The following TRIM2 variants were observed in gnomAD, a reference collection of about 807,000 sequenced individuals.
TRIM2 encodes tripartite motif-containing protein 2.
TRIM2 carries 20 observed loss-of-function variants against 75.2 expected under a neutral mutation model. That is an observed-to-expected ratio of 0.27 (90% CI 0.19 to 0.39). The LOEUF (loss-of-function observed/expected upper bound fraction) is 0.39, where lower values mean the gene tolerates loss of function less well. Ranked by LOEUF, TRIM2 falls within the 10% of genes least tolerant of loss-of-function variation. The pLI is 1.00. For missense variants in TRIM2, 660 were observed against 990.8 expected (o/e 0.67, Z 4.48); for synonymous variants, 373 against 388.3 (o/e 0.96, Z 0.46).
At chr4:153,225,733 G>A (rs1193985233) in intron 1 of TRIM2, among the ~76,000 whole-genome samples, 1 of 152,162 alleles carries the variant, frequency 6.6e-6, no homozygotes, top group Admixed American at 6.5e-5. Context: ...TAGACACTCA[G>A]CTTTTATGTA....
At chr4:153,304,052 G>A (rs1764480950) in intron 6 of TRIM2, among the ~76,000 whole-genome samples, 1 of 152,184 alleles carries the variant, frequency 6.6e-6, no homozygotes, top group South Asian at 2.1e-4. Context: ...GGATGGTGGG[G>A]GGAGAAGGCT....
Position 153,261,136 on chromosome 4 carries a change from G to T in TRIM2, c.31-9199G>T, listed in dbSNP as rs181936295. ...TCTGCATGAGAACAATAAAAAATGG[G>T]CTGGGCCAGGCACAATGACTCATGC... On this transcript the variant is annotated intron_variant, in intron 1 of 11. Coordinates refer to ENST00000338700, the MANE Select transcript of TRIM2 (RefSeq NM_015271.5). Among the ~76,000 whole-genome samples, 725 of 152,248 alleles carry T rather than the reference G, an allele frequency of 4.8e-3. 1 individual carries two copies. Among genetic ancestry groups the T allele is most frequent in the Middle Eastern group, 0.041 (12 of 294 alleles).
At chr4:153,158,068 T>G (rs1729401151) in intron 1 of TRIM2, among the ~76,000 whole-genome samples, 1 of 152,248 alleles carries the variant, frequency 6.6e-6, no homozygotes, top group Non-Finnish European at 1.5e-5. Context: ...TTTACCCGGT[T>G]GCCTCTCTAT....
chr4:153,273,129 G>A (rs1018641128), intron 2 of TRIM2, among the ~76,000 whole-genome samples: 1 of 152,026 alleles, frequency 6.6e-6, no homozygotes, highest in East Asian at 1.9e-4. Context: ...GAGTCACTGC[G>A]CCCGGTGGGG....
chr4:153,296,055 T>C lies in TRIM2; in HGVS notation c.1510+19T>C, dbSNP rs1762696820. On this transcript the variant is annotated intron_variant, in intron 6 of 11. Transcript: ENST00000338700. ...CGAGTGGGTAAGGAGAGGGCTTCTG[T>C]GCCCGACGCCTGAGCTGGCACTGGT... 1 of 1,513,302 alleles carries C rather than the reference T, an allele frequency of 6.6e-7. No individual in the cohort carries two copies. The highest frequency in any genetic ancestry group is 1.4e-5 in the African/African-American group (1 of 71,588). The allele number at this position is 1,513,302 out of a possible 1,614,324, so 93.7% of individuals were successfully genotyped here. A position where few individuals can be genotyped will look rare whatever the true frequency, so the allele number is the denominator to read the frequency against.
intron 1 of TRIM2, among the ~76,000 whole-genome samples, chr4:153,205,191 C>G (rs1379806369): frequency 1.3e-5 from 2 of 152,108 alleles, no homozygotes; most frequent in Non-Finnish European, 2.9e-5. Flanking sequence ...CTTGACTACC[C>G]AAGTGAGAAG....
intron 3 of TRIM2, among the ~76,000 whole-genome samples, chr4:153,290,764 C>G (rs1761685484): frequency 6.6e-6 from 1 of 152,156 alleles, no homozygotes; most frequent in Non-Finnish European, 1.5e-5. Context: ...GTAGCTGGGA[C>G]TACAGGCATG....
intron 8 of TRIM2, among the ~76,000 whole-genome samples, chr4:153,316,520 C>G (rs1418918553): frequency 6.6e-6 from 1 of 152,064 alleles, no homozygotes; most frequent in Non-Finnish European, 1.5e-5. Flanking sequence ...ATGTCAGTCT[C>G]TAATGAGTCG....
At chr4:153,237,135 C>CTG (rs1336169604) in intron 1 of TRIM2, among the ~76,000 whole-genome samples, 2 of 152,162 alleles carry the variant, frequency 1.3e-5, no homozygotes, top group African/African-American at 2.4e-5. Flanking sequence ...GCTAATTTAA[C>CTG]TTTTGGGGGT....
chr4:153,266,734 C>T (rs1755239229), intron 1 of TRIM2, among the ~76,000 whole-genome samples: 1 of 150,926 alleles, frequency 6.6e-6, no homozygotes, highest in Non-Finnish European at 1.5e-5. Context: ...GATCTGTTCA[C>T]CCGAACTCCC....
chr4:153,202,609 G>T (rs1237334518), upstream of TRIM2, among the ~76,000 whole-genome samples: 1 of 150,486 alleles, frequency 6.6e-6, no homozygotes, highest in Admixed American at 6.7e-5. Context: ...TGAGGCAGGA[G>T]AATGGCCTGA....
intron 1 of TRIM2, among the ~76,000 whole-genome samples, chr4:153,197,300 G>A (rs1560802935): frequency 6.6e-6 from 1 of 152,142 alleles, no homozygotes; most frequent in Non-Finnish European, 1.5e-5. Context: ...ATGCACTGAG[G>A]AACAGGTAAG....
At chr4:153,214,378 CA>C (rs1407330148) in intron 1 of TRIM2, among the ~76,000 whole-genome samples, 1 of 152,176 alleles carries the variant, frequency 6.6e-6, no homozygotes, top group Non-Finnish European at 1.5e-5. Context: ...TTAAGAGGGT[CA>C]AACTCTTTTC....
chr4:153,240,971 G>A (rs1194009760), intron 1 of TRIM2, among the ~76,000 whole-genome samples: 1 of 152,182 alleles, frequency 6.6e-6, no homozygotes, highest in Non-Finnish European at 1.5e-5. Flanking sequence ...CAGCTACTCC[G>A]GAGGCTGAGG....
chr4:153,311,726 ATT>A (rs34229298), intron 6 of TRIM2, among the ~76,000 whole-genome samples: 5 of 138,410 alleles, frequency 3.6e-5, no homozygotes, highest in East Asian at 2.1e-4. Context: ...GTGTTTATCA[ATT>A]TTTTTTTTTT....
chr4:153,294,582 C>T (rs1762419906), intron 5 of TRIM2, 97 bp downstream of exon 5: 1 of 1,277,876 alleles, frequency 7.8e-7, no homozygotes, highest in Non-Finnish European at 1.1e-6. Flanking sequence ...CCTTAAGTGT[C>T]ATCATTGTAT....
intron 4 of TRIM2, among the ~76,000 whole-genome samples, 153 bp from the exon 5 acceptor site, chr4:153,294,152 A>G (rs1363850562): frequency 6.6e-6 from 1 of 152,184 alleles, no homozygotes; most frequent in Non-Finnish European, 1.5e-5. Flanking sequence ...CTAAGGCAGT[A>G]ATTATGTCAT....
At chr4:153,310,111 T>C (rs571225000) in intron 6 of TRIM2, 1 of 152,182 alleles carries the variant, frequency 6.6e-6, no homozygotes, top group Non-Finnish European at 1.5e-5. Flanking sequence ...TAGGCTAGAC[T>C]TGCATCTGGA....
intron 1 of TRIM2, among the ~76,000 whole-genome samples, chr4:153,157,561 C>G (rs1729349026): frequency 6.6e-6 from 1 of 152,160 alleles, no homozygotes; most frequent in Admixed American, 6.5e-5. Context: ...GTTGCCAAAA[C>G]CATAGGCTCG....
Sources: allele counts gnomAD v4.1 joint callset (sites outside exome capture counted in the v4.1 genomes callset), GRCh38; gene constraint gnomAD v4.1.1; transcripts MANE v1.5; gene names NCBI Gene and HGNC (gene_info 2026-07-23, HGNC 2026-07-21).